Variants in IMMP2L observed in about 807,000 individuals in gnomAD.
IMMP2L encodes the protein mitochondrial inner membrane protease subunit 2.
IMMP2L carries 18 observed loss-of-function variants against 19.3 expected under a neutral mutation model. The observed-to-expected ratio is 0.93, with a 90% CI of 0.64 to 1.38. The LOEUF (loss-of-function observed/expected upper bound fraction) is 1.38. Ranked by LOEUF, IMMP2L falls within the 40% of genes most tolerant of loss-of-function variation. The pLI is 0.00. For synonymous variants in IMMP2L, 76 were observed against 73.0 expected (o/e 1.04, Z -0.21); for missense variants, 233 against 218.2 (o/e 1.07, Z -0.43).
chr7:110,832,046 G>A (rs1302713959), intron 5 of IMMP2L, among the ~76,000 whole-genome samples: 4 of 152,150 alleles, frequency 2.6e-5, no homozygotes, highest in Non-Finnish European at 4.4e-5. Flanking sequence ...TGCGGATCAC[G>A]AGGTCAGGAG....
intron 3 of IMMP2L, among the ~76,000 whole-genome samples, chr7:111,032,053 C>G (rs1035667571): frequency 6.6e-6 from 1 of 151,690 alleles, no homozygotes; most frequent in Non-Finnish European, 1.5e-5. Flanking sequence ...GTCATCCCAC[C>G]TCAGCCACCC....
intron 3 of IMMP2L, among the ~76,000 whole-genome samples, chr7:111,444,588 C>T (rs1838107951): frequency 6.6e-6 from 1 of 152,046 alleles, no homozygotes; most frequent in Non-Finnish European, 1.5e-5. Flanking sequence ...TTTTACTTTT[C>T]TTCATTCTCC....
chr7:111,276,022 T>G (rs991605058), intron 3 of IMMP2L, among the ~76,000 whole-genome samples: 5 of 152,124 alleles, frequency 3.3e-5, no homozygotes, highest in African/African-American at 7.2e-5. Flanking sequence ...CCAATTTAGA[T>G]GCCTCTTATT....
At chr7:110,717,948 T>C (rs1305417834) in intron 5 of IMMP2L, among the ~76,000 whole-genome samples, 1 of 152,152 alleles carries the variant, frequency 6.6e-6, no homozygotes, top group Non-Finnish European at 1.5e-5. Flanking sequence ...AGCAGGTTTA[T>C]ATGTAGGGAA....
chr7:111,339,978 G>T (rs865855125), intron 3 of IMMP2L, among the ~76,000 whole-genome samples: 1 of 151,790 alleles, frequency 6.6e-6, no homozygotes, highest in African/African-American at 2.4e-5. Context: ...AGTTGTCAAA[G>T]AAATATCAAT....
intron 3 of IMMP2L, among the ~76,000 whole-genome samples, chr7:111,079,621 A>G (rs1412928202): frequency 6.6e-6 from 1 of 152,200 alleles, no homozygotes; most frequent in Non-Finnish European, 1.5e-5. Flanking sequence ...CATAGTAAAG[A>G]CCATAACATT....
chr7:111,402,775 T>C (rs1228637213), intron 3 of IMMP2L, among the ~76,000 whole-genome samples: 1 of 152,054 alleles, frequency 6.6e-6, no homozygotes, highest in Non-Finnish European at 1.5e-5. Flanking sequence ...CAAGGTGGCA[T>C]TCAAGAATCT....
chr7:111,311,635 G>A (rs1406685138), intron 3 of IMMP2L, among the ~76,000 whole-genome samples: 1 of 152,118 alleles, frequency 6.6e-6, no homozygotes, highest in Non-Finnish European at 1.5e-5. Context: ...AAGGGCTGTG[G>A]CTCTGTGAAC....
intron 3 of IMMP2L, 71 bp from the exon 4 acceptor site, chr7:110,963,636 A>G (rs536350163): frequency 7.7e-6 from 7 of 907,500 alleles, no homozygotes; most frequent in South Asian, 3.3e-5. Context: ...AAGAAATTCT[A>G]TAACAAAATA....
At chr7:111,017,192 T>C (rs1182723230) in intron 3 of IMMP2L, among the ~76,000 whole-genome samples, 1 of 150,736 alleles carries the variant, frequency 6.6e-6, no homozygotes, top group African/African-American at 2.4e-5. Flanking sequence ...CTCAGCTGCC[T>C]GAGTAGCTGG....
At chr7:111,509,370 C>T (rs1274866793) in intron 2 of IMMP2L, among the ~76,000 whole-genome samples, 3 of 152,168 alleles carry the variant, frequency 2.0e-5, no homozygotes, top group Admixed American at 6.5e-5. Context: ...CCTTATCCTT[C>T]GTGTTGCACT....
intron 3 of IMMP2L, among the ~76,000 whole-genome samples, chr7:111,106,945 A>G (rs1798614803): frequency 6.6e-6 from 1 of 151,976 alleles, no homozygotes; most frequent in Non-Finnish European, 1.5e-5. Context: ...AGCATTTCTA[A>G]TATGTTATGC....
intron 3 of IMMP2L, among the ~76,000 whole-genome samples, chr7:111,251,313 A>G (rs979849993): frequency 1.3e-5 from 2 of 152,186 alleles, no homozygotes; most frequent in Non-Finnish European, 2.9e-5. Context: ...AATTATTTCA[A>G]CCATTGTGAA....
chr7:111,267,737 T>C (rs1272532069), intron 3 of IMMP2L, among the ~76,000 whole-genome samples: 1 of 152,204 alleles, frequency 6.6e-6, no homozygotes, highest in Non-Finnish European at 1.5e-5. Flanking sequence ...CTATATACTA[T>C]TCTCCAGGGG....
Position 111,046,783 on chromosome 7 carries a change from C to T in IMMP2L, c.240-83218G>A, listed in dbSNP as rs6968936. 9.7e-3 allele frequency among the ~76,000 whole-genome samples: 1,475 copies of T among 152,198 alleles called. 24 individuals are homozygous for T. Among genetic ancestry groups the T allele is most frequent in the African/African-American group, 0.033 (1,368 of 41,534 alleles). On this transcript the variant is annotated intron_variant, in intron 3 of 5. Coordinates refer to ENST00000405709, the MANE Select transcript of IMMP2L (RefSeq NM_032549.4). ...GAAATGATAACAATAATTTACATTT[C>T]GAGGTGTTTACCACTTGCCAAGCCT...
chr7:110,765,315 C>A (rs1798592204), intron 5 of IMMP2L, among the ~76,000 whole-genome samples: 1 of 151,984 alleles, frequency 6.6e-6, no homozygotes, highest in Non-Finnish European at 1.5e-5. Context: ...TAAATACTCA[C>A]AGAGGAAAGT....
At chr7:111,007,050 T>G (rs571520777) in intron 3 of IMMP2L, among the ~76,000 whole-genome samples, 1 of 152,194 alleles carries the variant, frequency 6.6e-6, no homozygotes, top group African/African-American at 2.4e-5. Flanking sequence ...TGAGACTGAG[T>G]AATTTATCAA....
In IMMP2L at chr7:111,490,039, G is replaced by A. The variant is rs187037390; in HGVS notation, c.136-2698C>T. Among the ~76,000 whole-genome samples, 6 of 149,358 alleles carry A rather than the reference G, an allele frequency of 4.0e-5. No homozygotes were observed. In the South Asian group the frequency reaches 6.4e-4, roughly 16 times the overall value. ...TCTCGAACTCCTGATCTCGTGATCC[G>A]CCCGCCTCAGCCTCCCAAAGTGCTG... On this transcript the variant is annotated intron_variant, in intron 2 of 5. Transcript: ENST00000405709.
At chr7:110,791,525 T>C (rs1378664779) in intron 5 of IMMP2L, among the ~76,000 whole-genome samples, 3 of 151,460 alleles carry the variant, frequency 2.0e-5, no homozygotes, top group Non-Finnish European at 4.4e-5. Flanking sequence ...TAGATTTTTA[T>C]CCTACCCATT....
Sources: allele counts gnomAD v4.1 joint callset (sites outside exome capture counted in the v4.1 genomes callset), GRCh38; gene constraint gnomAD v4.1.1; transcripts MANE v1.5; gene names NCBI Gene and HGNC (gene_info 2026-07-23, HGNC 2026-07-21).